Variants in AIG1 observed in about 807,000 individuals in gnomAD.
AIG1 encodes the protein androgen induced 1.
Under a neutral mutation model 31.4 loss-of-function variants are expected in AIG1, and 23 were observed. The ratio of observed to expected loss-of-function variants is 0.73; its 90% CI spans 0.53 to 1.04. AIG1 has a LOEUF of 1.04. Among genes scored for constraint, AIG1 ranks in the 50% least tolerant of loss-of-function variants. AIG1 has a pLI of 0.00. For synonymous variants in AIG1, 100 were observed against 110.5 expected, an observed-to-expected ratio of 0.90 and a Z score of 0.60; for missense variants, 274 against 295.0, an observed-to-expected ratio of 0.93 and a Z score of 0.52.
rs1356233963 is a variant in AIG1 at position 143,165,112 on chromosome 6, G to A, written c.328G>A (p.Ala110Thr). Residue 110 changes from alanine to threonine, a missense_variant, in exon 3 of 6, where the codon GCC (alanine) becomes ACC (threonine). Coordinates refer to ENST00000357847, the MANE Select transcript of AIG1 (RefSeq NM_016108.4). ...FVVAVFWIIY[A>T]YDREMIYPKL... is the part of the protein sequence containing the mutation. Reference sequence around the variant, plus strand: ...TGTAGCAGTGTTCTGGATCATTTATGCCTATGACAGAGAGATGATATACCC... The same window carrying A: ...TGTAGCAGTGTTCTGGATCATTTATACCTATGACAGAGAGATGATATACCC... 2 of 1,613,400 alleles carry A rather than the reference G, an allele frequency of 1.2e-6. No individual in the cohort carries two copies. The highest frequency in any genetic ancestry group is 4.5e-5 in the East Asian group (2 of 44,878).
intron 1 of AIG1, among the ~76,000 whole-genome samples, chr6:143,101,335 C>G (rs183971506): frequency 6.6e-6 from 1 of 152,170 alleles, no homozygotes; most frequent in Admixed American, 6.5e-5. Flanking sequence ...TCAACATTCA[C>G]AACATTGTGT....
chr6:143,098,063 C>T (rs188752107), intron 1 of AIG1, among the ~76,000 whole-genome samples: 38 of 152,262 alleles, frequency 2.5e-4, no homozygotes, highest in East Asian at 1.4e-3. Context: ...TCATCTTACA[C>T]GAAACAAGAC....
intron 4 of AIG1, among the ~76,000 whole-genome samples, chr6:143,310,973 A>G (rs1460162345): frequency 6.6e-6 from 1 of 151,850 alleles, no homozygotes; most frequent in African/African-American, 2.4e-5. Flanking sequence ...AAAACAGAAA[A>G]CATTAGGTTC....
chr6:143,187,537 G>C, intron 3 of AIG1: 1 of 1,535,924 alleles, frequency 6.5e-7, no homozygotes, highest in African/African-American at 1.4e-5. Context: ...TTCACACTGG[G>C]TAGGCCTGTA....
chr6:143,191,079 A>AT (rs1258086868), intron 3 of AIG1, among the ~76,000 whole-genome samples: 1 of 152,132 alleles, frequency 6.6e-6, no homozygotes, highest in African/African-American at 2.4e-5. Context: ...AAATGTGGGT[A>AT]TTGGAAGAAC....
chr6:143,249,205 G>A (rs1794828497), intron 3 of AIG1, among the ~76,000 whole-genome samples: 1 of 152,224 alleles, frequency 6.6e-6, no homozygotes, highest in Non-Finnish European at 1.5e-5. Flanking sequence ...CAGGTATAGA[G>A]TTGTCCTTTG....
At chr6:143,230,474 A>G (rs2128631256) in intron 3 of AIG1, among the ~76,000 whole-genome samples, 1 of 150,018 alleles carries the variant, frequency 6.7e-6, no homozygotes, top group East Asian at 1.9e-4. Context: ...AATAAGATAT[A>G]CTATTAAAGT....
chr6:143,196,992 T>G (rs1790292728), intron 3 of AIG1, among the ~76,000 whole-genome samples: 1 of 152,226 alleles, frequency 6.6e-6, no homozygotes, highest in South Asian at 2.1e-4. Context: ...TGCAGCCTCT[T>G]AGCAAGTTTC....
intron 2 of AIG1, among the ~76,000 whole-genome samples, chr6:143,144,383 G>A (rs963180753): frequency 2.6e-5 from 4 of 152,198 alleles, no homozygotes; most frequent in African/African-American, 9.7e-5. Context: ...AGCCTAGGGA[G>A]GGTGGCTTTA....
rs1429741905 is a variant in AIG1 at position 143,326,364 on chromosome 6, CT to C, written c.516-6917del. Reference sequence around the variant, plus strand: ...GTTCTTTAGACATGCCTTTTTTTGGCTAGAAAGTTCTTTCCTCCCATCTTTA... The same window carrying C: ...GTTCTTTAGACATGCCTTTTTTTGGCAGAAAGTTCTTTCCTCCCATCTTTA... On this transcript the variant is annotated intron_variant, in intron 4 of 5. Transcript: ENST00000357847. The surrounding 1 kb of genome is among the most constrained non-coding windows in gnomAD (Gnocchi z 4.5). Among the ~76,000 whole-genome samples the C allele has an allele frequency of 6.6e-6, 1 of 151,954 alleles. No individual in the cohort carries two copies. The highest frequency in any genetic ancestry group is 1.5e-5 in the Non-Finnish European group (1 of 67,974).
At chr6:143,196,350 A>AACACACGCGCGCGC (rs1031872426) in intron 3 of AIG1, among the ~76,000 whole-genome samples, 1 of 141,636 alleles carries the variant, frequency 7.1e-6, no homozygotes, top group African/African-American at 2.6e-5. Context: ...CAACAAAAGC[A>AACACACGCGCGCGC]ACACACACAC....
chr6:143,097,740 A>T (rs150456742), intron 1 of AIG1, among the ~76,000 whole-genome samples: 1 of 152,300 alleles, frequency 6.6e-6, no homozygotes, highest in East Asian at 1.9e-4. Context: ...TATTAGCCAA[A>T]GGGCATGGTG....
chr6:143,072,050 C>T (rs933846048), intron 1 of AIG1, among the ~76,000 whole-genome samples: 48 of 152,106 alleles, frequency 3.2e-4, no homozygotes, highest in East Asian at 1.9e-4. Flanking sequence ...TTTCAGTCAC[C>T]GAAAGTGCTA....
At chr6:143,233,999 C>G (rs536021967) in intron 3 of AIG1, among the ~76,000 whole-genome samples, 3 of 152,128 alleles carry the variant, frequency 2.0e-5, no homozygotes, top group Non-Finnish European at 4.4e-5. Flanking sequence ...AAAAAAGAAC[C>G]TGTACTTTGG....
At chr6:143,269,669 A>G (rs1796373342) in intron 3 of AIG1, among the ~76,000 whole-genome samples, 1 of 152,256 alleles carries the variant, frequency 6.6e-6, no homozygotes, top group African/African-American at 2.4e-5. Flanking sequence ...TCCACAAGGC[A>G]ATACAGATGA....
At chr6:143,183,232 T>G (rs1788903574) in intron 3 of AIG1, among the ~76,000 whole-genome samples, 1 of 148,846 alleles carries the variant, frequency 6.7e-6, no homozygotes, top group Admixed American at 6.9e-5. Context: ...AGTCTCGCTC[T>G]GTCGCCAGGC....
At chr6:143,171,488 AAT>A (rs1404134551) in intron 3 of AIG1, among the ~76,000 whole-genome samples, 1 of 120,798 alleles carries the variant, frequency 8.3e-6, no homozygotes, top group African/African-American at 3.4e-5. Context: ...ATATATATTA[AAT>A]ATATAATATA....
At chr6:143,143,642 C>G (rs1784484672) in intron 2 of AIG1, among the ~76,000 whole-genome samples, 1 of 144,338 alleles carries the variant, frequency 6.9e-6, no homozygotes, top group African/African-American at 2.5e-5. Context: ...TTCTTTAAGC[C>G]TTAACTGATG....
intron 3 of AIG1, chr6:143,189,136 A>G: frequency 1.7e-6 from 1 of 601,094 alleles, no homozygotes; most frequent in Non-Finnish European, 2.1e-6. Context: ...CTTAAACTGC[A>G]GGGCTCAAGC....
Sources: allele counts gnomAD v4.1 joint callset (sites outside exome capture counted in the v4.1 genomes callset), GRCh38; gene constraint gnomAD v4.1.1; non-coding constraint Gnocchi (gnomAD v3.1); transcripts MANE v1.5; gene names NCBI Gene and HGNC (gene_info 2026-07-23, HGNC 2026-07-21).